Variants in ARHGAP42 observed in about 807,000 individuals in gnomAD.
ARHGAP42 encodes the protein rho GTPase-activating protein 42.
Under a neutral mutation model 125.0 loss-of-function variants are expected in ARHGAP42, and 63 were observed. The ratio of observed to expected loss-of-function variants is 0.50; its 90% CI spans 0.41 to 0.62. ARHGAP42 has a LOEUF of 0.62. Among genes scored for constraint, ARHGAP42 ranks in the 20% least tolerant of loss-of-function variants. The pLI, the probability that ARHGAP42 is intolerant of heterozygous loss-of-function variation, is 0.00. For synonymous variants in ARHGAP42, 339 were observed against 351.0 expected (o/e 0.97, Z 0.38); for missense variants, 766 against 1,024.2 (o/e 0.75, Z 3.44).
intron 4 of ARHGAP42, among the ~76,000 whole-genome samples, chr11:100,907,570 C>T (rs1204570620): frequency 6.6e-6 from 1 of 152,052 alleles, no homozygotes; most frequent in Non-Finnish European, 1.5e-5. Flanking sequence ...GTGGAATCAC[C>T]CACAGGAGAG....
At chr11:100,817,069 T>C (rs183133907) in intron 3 of ARHGAP42, among the ~76,000 whole-genome samples, 113 of 152,330 alleles carry the variant, frequency 7.4e-4, no homozygotes, top group African/African-American at 2.5e-3. Flanking sequence ...ACCTGAAGAC[T>C]GACACTCCGG....
intron 2 of ARHGAP42, among the ~76,000 whole-genome samples, chr11:100,771,847 G>C (rs1476779730): frequency 6.6e-6 from 1 of 151,998 alleles, no homozygotes; most frequent in Non-Finnish European, 1.5e-5. Context: ...TGATCCACCC[G>C]CCTTGGCCTC....
intron 1 of ARHGAP42, among the ~76,000 whole-genome samples, chr11:100,713,447 G>A (rs1861597892): frequency 6.6e-6 from 1 of 152,090 alleles, no homozygotes; most frequent in African/African-American, 2.4e-5. Flanking sequence ...CTACAACCTT[G>A]GGCAAGTTCT....
At chr11:100,972,383 A>T (rs989240336) in intron 17 of ARHGAP42, among the ~76,000 whole-genome samples, 1 of 152,166 alleles carries the variant, frequency 6.6e-6, no homozygotes, top group African/African-American at 2.4e-5. Flanking sequence ...AGTTGCTAGG[A>T]TTACTTCACT....
intron 1 of ARHGAP42, among the ~76,000 whole-genome samples, chr11:100,701,326 G>A (rs11224399): frequency 0.026 from 3,928 of 152,244 alleles, 87 homozygotes; most frequent in Middle Eastern, 0.054. Context: ...CTTCAACTTA[G>A]TGTCACCAGC....
chr11:100,842,911 C>A (rs770352780), intron 3 of ARHGAP42, among the ~76,000 whole-genome samples: 6 of 151,780 alleles, frequency 4.0e-5, no homozygotes, highest in Non-Finnish European at 7.4e-5. Flanking sequence ...CCTCAAGGAA[C>A]TAGAGAAACA....
At chr11:100,904,557 T>G (rs1866669063) in intron 4 of ARHGAP42, among the ~76,000 whole-genome samples, 1 of 151,190 alleles carries the variant, frequency 6.6e-6, no homozygotes, top group African/African-American at 2.4e-5. Flanking sequence ...TCTCATCCCC[T>G]CTTTCCTTAA....
chr11:100,992,157 G>A lies in ARHGAP42; in HGVS notation c.*3356G>A. ...TTGCCTCAAGCAATTTCAAATTGTA[G>A]TGATACCTTAAATCATGTATTCAGG... On this transcript the variant is annotated 3_prime_UTR_variant, in exon 24 of 24. Transcript: ENST00000298815. The A allele has an allele frequency of 3.7e-6, 3 of 807,024 alleles. No homozygotes were observed. The highest frequency in any genetic ancestry group is 3.8e-6 in the Non-Finnish European group (2 of 527,868). 50.0% of individuals were successfully genotyped at this position (807,024 alleles called of 1,614,324 possible). A position where few individuals can be genotyped will look rare whatever the true frequency, so the allele number is the denominator to read the frequency against.
intron 2 of ARHGAP42, among the ~76,000 whole-genome samples, chr11:100,779,008 A>C (rs185619394): frequency 6.6e-6 from 1 of 152,174 alleles, no homozygotes; most frequent in East Asian, 1.9e-4. Context: ...TCATATTCCT[A>C]TTCCTTCGTA....
chr11:100,693,597 T>G (rs186857920), intron 1 of ARHGAP42, among the ~76,000 whole-genome samples: 2 of 152,312 alleles, frequency 1.3e-5, no homozygotes, highest in Non-Finnish European at 2.9e-5. Flanking sequence ...TCTCCTAGAT[T>G]TCTTTTTTCA....
intron 1 of ARHGAP42, among the ~76,000 whole-genome samples, chr11:100,757,626 A>G (rs1862606694): frequency 6.6e-6 from 1 of 152,204 alleles, no homozygotes; most frequent in African/African-American, 2.4e-5. Context: ...TACATAATGA[A>G]ATCTGCAATT....
At chr11:100,903,706 C>CAAAAA (rs749877720) in intron 4 of ARHGAP42, among the ~76,000 whole-genome samples, 17 of 32,522 alleles carry the variant, frequency 5.2e-4, no homozygotes, top group African/African-American at 1.2e-3. Context: ...ACATGTCCCT[C>CAAAAA]AAAATATATA....
intron 14 of ARHGAP42, 64 bp downstream of exon 14, chr11:100,961,053 C>T: frequency 9.4e-7 from 1 of 1,063,326 alleles, no homozygotes; most frequent in Non-Finnish European, 1.3e-6. Flanking sequence ...AAAGTATGGA[C>T]TTCTTTGACT....
chr11:100,897,853 C>T (rs188597495), intron 4 of ARHGAP42, among the ~76,000 whole-genome samples: 1 of 152,054 alleles, frequency 6.6e-6, no homozygotes, highest in African/African-American at 2.4e-5. Context: ...GCCTGATTGC[C>T]CCGGCCAGAA....
chr11:100,943,696 A>G, intron 9 of ARHGAP42, 63 bp from the exon 10 acceptor site: 2 of 1,139,182 alleles, frequency 1.8e-6, no homozygotes, highest in Non-Finnish European at 2.5e-6. Flanking sequence ...TTGAGCTCAC[A>G]TATTTAATAT....
rs192532287 is a variant in ARHGAP42, at chr11:100,787,810, G to A, written c.251-7295G>A. Among the ~76,000 whole-genome samples the A allele has an allele frequency of 3.3e-5, 5 of 152,248 alleles. No homozygotes were observed. In the East Asian group the frequency reaches 9.7e-4, roughly 29 times the overall value. On this transcript the variant is annotated intron_variant, in intron 2 of 23. Transcript: ENST00000298815. The stretch of plus-strand genomic sequence containing the variant: ...TGGTTAAAGGATAAACAGGAACAAG[G>A]GAAAGCATAAAGAAATCCCTCAATG...
At chr11:100,975,890 T>G (rs1858376985) in intron 19 of ARHGAP42, among the ~76,000 whole-genome samples, 167 bp from the exon 20 acceptor site, 1 of 152,164 alleles carries the variant, frequency 6.6e-6, no homozygotes, top group African/African-American at 2.4e-5. Context: ...TTTAAAGCCT[T>G]TCTCCAGTAC....
intron 1 of ARHGAP42, among the ~76,000 whole-genome samples, chr11:100,728,438 G>T (rs1861898957): frequency 6.6e-6 from 1 of 152,060 alleles, no homozygotes; most frequent in African/African-American, 2.4e-5. Flanking sequence ...GGCAAGAGAC[G>T]GTAACACTGA....
intron 2 of ARHGAP42, among the ~76,000 whole-genome samples, chr11:100,775,417 A>G (rs1008432483): frequency 2.0e-5 from 3 of 152,158 alleles, no homozygotes; most frequent in Admixed American, 6.5e-5. Flanking sequence ...CTATAATTAC[A>G]CAAGTAATAT....
Sources: gnomAD v4.1 joint callset for allele counts (sites outside exome capture counted in the v4.1 genomes callset) on GRCh38, gnomAD v4.1.1 for gene constraint, MANE v1.5 for transcripts, NCBI Gene and HGNC (gene_info 2026-07-23, HGNC 2026-07-21) for gene names.